CAB39L: variants seen among roughly 807,000 people sequenced by gnomAD.
CAB39L encodes calcium-binding protein 39-like.
CAB39L carries 23 observed loss-of-function variants against 39.1 expected under a neutral mutation model. The observed-to-expected ratio is 0.59, with a 90% CI of 0.42 to 0.83. The LOEUF (loss-of-function observed/expected upper bound fraction) is 0.83, where lower values mean the gene tolerates loss of function less well. CAB39L is among the 40% of genes least tolerant of loss of function. The probability of loss-of-function intolerance (pLI) is 0.00; values close to 1 mark genes in which losing one functional copy is unlikely to be tolerated. For missense variants in CAB39L, 366 were observed against 391.9 expected (o/e 0.93, Z 0.56); for synonymous variants, 126 against 137.2 (o/e 0.92, Z 0.57).
chr13:49,443,083 TA>T (rs71078845), intron 1 of CAB39L, among the ~76,000 whole-genome samples: 234 of 116,516 alleles, frequency 2.0e-3, no homozygotes, highest in South Asian at 3.2e-3. Context: ...ACAACAATGC[TA>T]AAAAAAAAAA....
rs1487183685 is a variant in CAB39L, at chr13:49,321,191, TG to T, written c.835-10199del. Among the ~76,000 whole-genome samples, 4 of 152,214 alleles carry T rather than the reference TG, an allele frequency of 2.6e-5. No homozygotes were observed. In the East Asian group the frequency reaches 7.7e-4, roughly 29 times the overall value. ...CCCAGAGATAACCCCTGTGAATATC[TG>T]GTGTATGTATGTGCAGCATTTTTTT... On this transcript the variant is annotated intron_variant, in intron 10 of 10. Transcript: ENST00000409308.
chr13:49,383,939 G>A (rs1324560142), intron 3 of CAB39L, among the ~76,000 whole-genome samples: 1 of 152,214 alleles, frequency 6.6e-6, no homozygotes, highest in African/African-American at 2.4e-5. Flanking sequence ...TTGCATTAAT[G>A]TTGATGGCTG....
At chr13:49,438,761 C>G (rs1957457234) in intron 1 of CAB39L, among the ~76,000 whole-genome samples, 3 of 152,168 alleles carry the variant, frequency 2.0e-5, no homozygotes, top group African/African-American at 7.2e-5. Context: ...TCAGTGTTAA[C>G]TGTTGTGGGT....
At chr13:49,443,853 TCTC>T in intron 1 of CAB39L, 130 bp downstream of exon 1, 1 of 436,900 alleles carries the variant, frequency 2.3e-6, no homozygotes, top group South Asian at 1.6e-5. Flanking sequence ...AGGCGCTGGG[TCTC>T]CTCCCTTAGG....
At chr13:49,394,723 T>A (rs1347914377) in intron 3 of CAB39L, among the ~76,000 whole-genome samples, 1 of 152,158 alleles carries the variant, frequency 6.6e-6, no homozygotes, top group Non-Finnish European at 1.5e-5. Context: ...TACAATTATT[T>A]TACATTTTAA....
intron 10 of CAB39L, among the ~76,000 whole-genome samples, chr13:49,330,932 A>T (rs567891771): frequency 1.4e-3 from 208 of 152,284 alleles, no homozygotes; most frequent in African/African-American, 4.9e-3. Context: ...ATACACTATG[A>T]TGGTGAGAAA....
At chr13:49,421,691 A>G (rs531572905) in intron 3 of CAB39L, among the ~76,000 whole-genome samples, 7 of 152,034 alleles carry the variant, frequency 4.6e-5, no homozygotes, top group Admixed American at 6.5e-5. Flanking sequence ...CCTCCTAATG[A>G]GAGGGGTACC....
chr13:49,437,880 G>C (rs1479869882), intron 1 of CAB39L, among the ~76,000 whole-genome samples: 1 of 152,154 alleles, frequency 6.6e-6, no homozygotes, highest in Non-Finnish European at 1.5e-5. Context: ...GAGTGCAGTG[G>C]CGCAATCACA....
At chr13:49,377,238 A>C (rs1464030893) in intron 4 of CAB39L, 107 bp from the exon 5 acceptor site, 1 of 834,542 alleles carries the variant, frequency 1.2e-6, no homozygotes, top group African/African-American at 1.7e-5. Context: ...GGCTCTGTTT[A>C]TTTATAATGA....
intron 8 of CAB39L, 32 bp from the exon 9 acceptor site, chr13:49,339,774 A>T (rs764740631): frequency 6.6e-7 from 1 of 1,513,924 alleles, no homozygotes; most frequent in South Asian, 1.4e-5. Flanking sequence ...TTAGAGTGTA[A>T]AAGCAGCAGT....
intron 3 of CAB39L, among the ~76,000 whole-genome samples, chr13:49,389,262 G>C (rs748390093): frequency 1.3e-5 from 2 of 152,164 alleles, no homozygotes; most frequent in Non-Finnish European, 2.9e-5. Flanking sequence ...GGAAATATCT[G>C]CACTTCCGTA....
chr13:49,435,455 C>G (rs1957393810), intron 1 of CAB39L, among the ~76,000 whole-genome samples: 1 of 152,160 alleles, frequency 6.6e-6, no homozygotes, highest in Admixed American at 6.5e-5. Flanking sequence ...TTGAAAAATG[C>G]TTTAACATAG....
At chr13:49,439,460 A>C (rs1957468414) in intron 1 of CAB39L, among the ~76,000 whole-genome samples, 1 of 152,184 alleles carries the variant, frequency 6.6e-6, no homozygotes, top group Non-Finnish European at 1.5e-5. Flanking sequence ...TTCCCTGCAT[A>C]GTATTCCACG....
chr13:49,361,217 C>T (rs769741722), intron 5 of CAB39L, among the ~76,000 whole-genome samples: 5 of 152,070 alleles, frequency 3.3e-5, no homozygotes, highest in Non-Finnish European at 7.4e-5. Flanking sequence ...CAGTGGCTCA[C>T]GCCTGTAATC....
chr13:49,432,461 T>C (rs891081111), intron 3 of CAB39L, among the ~76,000 whole-genome samples: 5 of 152,228 alleles, frequency 3.3e-5, no homozygotes, highest in Non-Finnish European at 5.9e-5. Context: ...TCATGTAATG[T>C]ATATTTCTAA....
chr13:49,376,529 G>A (rs1748097723), intron 5 of CAB39L, among the ~76,000 whole-genome samples: 1 of 152,212 alleles, frequency 6.6e-6, no homozygotes, highest in Admixed American at 6.5e-5. Context: ...TTCATTAAAA[G>A]AACTGTCTGA....
intron 3 of CAB39L, among the ~76,000 whole-genome samples, chr13:49,427,357 T>C (rs892153808): frequency 5.9e-5 from 9 of 152,108 alleles, no homozygotes; most frequent in African/African-American, 2.2e-4. Flanking sequence ...TTTCATCCAC[T>C]ACGAAGTTCC....
chr13:49,322,489 G>A (rs1208634280), intron 10 of CAB39L, among the ~76,000 whole-genome samples: 2 of 152,114 alleles, frequency 1.3e-5, no homozygotes, highest in South Asian at 2.1e-4. Context: ...AGCAGTAATC[G>A]CTTTCCCAAA....
At position 49,339,757 on chromosome 13, in the gene CAB39L, A is replaced by C; in HGVS notation, c.625-15T>G. ...TCTTCAAAAATCTAATGAAAAGAAA[A>C]TACACATTAGAGTGTAAAAGCAGCA... On this transcript the variant is annotated splice_polypyrimidine_tract_variant and intron_variant, in intron 8 of 10. Transcript: ENST00000409308. The C allele has an allele frequency of 1.3e-6, 2 of 1,564,992 alleles. No homozygotes were observed. Among genetic ancestry groups the C allele is most frequent in the Non-Finnish European group, 1.7e-6 (2 of 1,157,528 alleles).
Sources: gnomAD v4.1 joint callset for allele counts (sites outside exome capture counted in the v4.1 genomes callset) on GRCh38, gnomAD v4.1.1 for gene constraint, MANE v1.5 for transcripts, NCBI Gene and HGNC (gene_info 2026-07-23, HGNC 2026-07-21) for gene names.